The following SPANXN4 variants were observed in gnomAD, a reference collection of about 807,000 sequenced individuals.
SPANXN4 encodes the protein sperm protein associated with the nucleus on the X chromosome N4.
Under a neutral mutation model 6.0 loss-of-function variants are expected in SPANXN4, and 5 were observed. The ratio of observed to expected loss-of-function variants is 0.83; its 90% CI spans 0.44 to 1.75. SPANXN4 has a LOEUF of 1.75. Among genes scored for constraint, SPANXN4 ranks in the 40% most tolerant of loss-of-function variants. The probability of loss-of-function intolerance (pLI) is 0.02; values close to 1 mark genes in which losing one functional copy is unlikely to be tolerated. For synonymous variants in SPANXN4, 45 were observed against 38.0 expected, an observed-to-expected ratio of 1.19 and a Z score of -0.68; for missense variants, 157 against 108.6, an observed-to-expected ratio of 1.45 and a Z score of -1.98.
chrX:143,037,612 A>G (rs1436341743), downstream of SPANXN4, among the ~76,000 whole-genome samples: 6 of 110,967 alleles, frequency 5.4e-5, no homozygotes, highest in Admixed American at 5.8e-4. Flanking sequence ...TATTTTCTCT[A>G]TTGCTATGGT....
chrX:143,030,709 AT>A (rs1232951844), intron 1 of SPANXN4, among the ~76,000 whole-genome samples: 3 of 111,572 alleles, frequency 2.7e-5, no homozygotes, highest in African/African-American at 9.8e-5. Context: ...AGTAAAGTAT[AT>A]GGGTTGGGGA....
chrX:143,028,181 G>T (rs1451694647), intron 1 of SPANXN4, among the ~76,000 whole-genome samples: 1 of 110,961 alleles, frequency 9.0e-6, no homozygotes, highest in Non-Finnish European at 1.9e-5. Context: ...GTGTGGGAAG[G>T]ATGTTAGCTT....
intron 1 of SPANXN4, among the ~76,000 whole-genome samples, chrX:143,029,544 G>A (rs774142192): frequency 3.6e-4 from 40 of 111,193 alleles, no homozygotes; most frequent in Non-Finnish European, 6.2e-4. Flanking sequence ...GGCGTTCCCC[G>A]CAAAGGAGCT....
At position 143,034,459 on chromosome X, in the gene SPANXN4, G is replaced by T. The variant is rs139713847; in HGVS notation, c.284-50G>T. On this transcript the variant is annotated intron_variant, in intron 2 of 2. Coordinates refer to ENST00000370504, the Ensembl canonical transcript of SPANXN4. ...CAGACATTGTAAATAAAGACTGGGG[G>T]AGGACTGATTCCTGGAGACAAATTT... 3.2e-3 allele frequency: 3,559 copies of T among 1,114,559 alleles called. 55 individuals are homozygous for T. In the African/African-American group the frequency reaches 0.056, roughly 18 times the overall value. The allele number at this position is 1,114,559 out of a possible 1,213,427, so 91.9% of individuals were successfully genotyped here. A position where few individuals can be genotyped will look rare whatever the true frequency, so the allele number is the denominator to read the frequency against.
At chrX:143,035,434 C>G (rs1932838927), downstream of SPANXN4, among the ~76,000 whole-genome samples, 1 of 110,456 alleles carries the variant, frequency 9.1e-6, no homozygotes, top group Admixed American at 9.7e-5. Context: ...CTATGTATGT[C>G]TAATCTGTTC....
chrX:143,026,465 C>A (rs915142735), intron 1 of SPANXN4, among the ~76,000 whole-genome samples: 3 of 111,494 alleles, frequency 2.7e-5, no homozygotes, highest in Non-Finnish European at 5.7e-5. Flanking sequence ...ATTTTTCTCA[C>A]GGCCAGAACT....
intron 1 of SPANXN4, among the ~76,000 whole-genome samples, chrX:143,031,413 G>A (rs1342368302): frequency 2.7e-5 from 3 of 111,431 alleles, no homozygotes; most frequent in South Asian, 7.6e-4. Flanking sequence ...GTAGGGGGGT[G>A]GGGGCAGACT....
At chrX:143,026,004 C>G (rs1478160198) in exon 1 of SPANXN4, 11 of 1,202,047 alleles carry the variant, frequency 9.2e-6, no homozygotes, top group Non-Finnish European at 1.1e-5. Flanking sequence ...ATTCTACAAC[C>G]AACCATAATC....
downstream of SPANXN4, among the ~76,000 whole-genome samples, chrX:143,036,530 G>A (rs1311977886): frequency 2.7e-5 from 3 of 111,734 alleles, no homozygotes; most frequent in Non-Finnish European, 5.7e-5. Context: ...TTGAAAATAC[G>A]ATTCATTGAA....
downstream of SPANXN4, among the ~76,000 whole-genome samples, chrX:143,037,184 C>G (rs1042138401): frequency 2.7e-5 from 3 of 110,367 alleles, no homozygotes; most frequent in Admixed American, 1.9e-4. Context: ...ATCATTTTTC[C>G]CTTCAAAAAA....
chrX:143,034,094 C>G lies in SPANXN4; in HGVS notation c.145C>G (p.Pro49Ala), dbSNP rs200095139. The G allele has an allele frequency of 2.1e-5, 25 of 1,178,066 alleles. No individual in the cohort carries two copies. The East Asian group carries it at 7.8e-4, about 37-fold the overall frequency. The stretch of plus-strand genomic sequence containing the variant: ...GAAAGAGACAGAAAAAGCAAAATAT[C>G]CAACATTAGTGTTTTACTGCAGGAA... The change falls in exon 2 of 3, where the codon CCA (proline) becomes GCA (alanine). Residue 49 changes from proline (P) to alanine (A), a missense_variant. Transcript: ENST00000370504.
At chrX:143,034,346 TG>T in intron 2 of SPANXN4, 35 bp downstream of exon 2, 1 of 1,024,655 alleles carries the variant, frequency 9.8e-7, no homozygotes, top group Non-Finnish European at 1.3e-6. Flanking sequence ...TTTCTGATGG[TG>T]GGGAGGAAGG....
exon 2 of SPANXN4, chrX:143,034,192 G>A: frequency 8.5e-7 from 1 of 1,180,137 alleles, no homozygotes; most frequent in Non-Finnish European, 1.1e-6. Flanking sequence ...CAATCAAAGA[G>A]AAAGGAGACC....
chrX:143,026,044 G>A (rs1317747596), exon 1 of SPANXN4: 4 of 1,209,561 alleles, frequency 3.3e-6, no homozygotes, highest in Admixed American at 4.4e-5. Flanking sequence ...GCACCAACGA[G>A]AATAAAATGA....
chrX:143,037,669 A>G (rs751433240), downstream of SPANXN4, among the ~76,000 whole-genome samples: 1 of 111,708 alleles, frequency 9.0e-6, no homozygotes, highest in East Asian at 2.8e-4. Flanking sequence ...TATAATTCCT[A>G]TAATCCCCAT....
chrX:143,037,137 C>T (rs1265956143), downstream of SPANXN4, among the ~76,000 whole-genome samples: 1 of 110,958 alleles, frequency 9.0e-6, no homozygotes, highest in South Asian at 3.8e-4. Context: ...ATTCAAGGTA[C>T]TCTTTTTAAG....
Position 143,034,638 on chromosome X carries a change from C to T in SPANXN4, c.413C>T (p.Ser138Leu), listed in dbSNP as rs146154624. 2.5e-3 allele frequency: 2,861 copies of T among 1,163,019 alleles called. 51 individuals carry two copies. The African/African-American group carries it at 0.046, about 19-fold the overall frequency. The change falls in exon 3 of 3, where the codon TCA becomes TTA. Residue 138 changes from serine to leucine, a missense_variant. Coordinates refer to ENST00000370504, the Ensembl canonical transcript of SPANXN4. ...ATGAAGACATCAGAATCACCACCTT[C>T]AGGCCACATACCTCAGAGTGGTGTG...
chrX:143,028,352 G>T (rs1014845735), intron 1 of SPANXN4, among the ~76,000 whole-genome samples: 5 of 111,099 alleles, frequency 4.5e-5, no homozygotes, highest in African/African-American at 9.8e-5. Context: ...ATAGGGCTTA[G>T]GCTGAGGGGA....
intron 1 of SPANXN4, among the ~76,000 whole-genome samples, chrX:143,031,408 G>C (rs1260406465): frequency 9.0e-6 from 1 of 111,419 alleles, no homozygotes; most frequent in Admixed American, 9.5e-5. Context: ...TGGTGGTAGG[G>C]GGGTGGGGGC....
Sources: gnomAD v4.1 joint callset for allele counts (sites outside exome capture counted in the v4.1 genomes callset) on GRCh38, gnomAD v4.1.1 for gene constraint, MANE v1.5 for transcripts, NCBI Gene and HGNC (gene_info 2026-07-23, HGNC 2026-07-21) for gene names.